ECT2L: variants seen among roughly 807,000 people sequenced by gnomAD.
ECT2L encodes epithelial cell transforming 2 like, also known as epithelial cell-transforming sequence 2 oncogene-like.
ECT2L carries 126 observed loss-of-function variants against 122.8 expected under a neutral mutation model. That is an observed-to-expected ratio of 1.03 (90% CI 0.89 to 1.19). ECT2L has a LOEUF of 1.19. Among genes scored for constraint, ECT2L ranks in the 50% most tolerant of loss-of-function variants. The probability of loss-of-function intolerance (pLI) is 0.00; values close to 1 mark genes in which losing one functional copy is unlikely to be tolerated. For synonymous variants in ECT2L, 385 were observed against 381.8 expected (o/e 1.01, Z -0.10); for missense variants, 1,012 against 1,064.1 (o/e 0.95, Z 0.68).
intron 4 of ECT2L, among the ~76,000 whole-genome samples, chr6:138,818,475 T>A (rs1178739660): frequency 6.6e-6 from 1 of 152,152 alleles, no homozygotes; most frequent in African/African-American, 2.4e-5. Context: ...TAGGTTAATT[T>A]TAAATATAGA....
At chr6:138,876,136 A>G (rs1778442638) in intron 13 of ECT2L, among the ~76,000 whole-genome samples, 1 of 152,070 alleles carries the variant, frequency 6.6e-6, no homozygotes, top group African/African-American at 2.4e-5. Context: ...AAAAAAAAAA[A>G]AAGAAGTCTG....
At chr6:138,871,550 A>G (rs193248588) in intron 13 of ECT2L, among the ~76,000 whole-genome samples, 1 of 152,268 alleles carries the variant, frequency 6.6e-6, no homozygotes, top group African/African-American at 2.4e-5. Context: ...TCACGTCTGT[A>G]ATCCCAGCCC....
intron 4 of ECT2L, among the ~76,000 whole-genome samples, chr6:138,817,016 A>T (rs1052341529): frequency 1.3e-5 from 2 of 152,190 alleles, no homozygotes; most frequent in Non-Finnish European, 2.9e-5. Flanking sequence ...AAATTTGCCT[A>T]TTCTGGACTT....
intron 19 of ECT2L, among the ~76,000 whole-genome samples, chr6:138,888,320 T>TCTTTC (rs35900164): frequency 3.2e-5 from 4 of 124,890 alleles, no homozygotes; most frequent in South Asian, 4.8e-4. Flanking sequence ...TTCTTTTCTT[T>TCTTTC]TTTTTTTTTT....
chr6:138,854,679 A>C (rs1237343776), intron 10 of ECT2L, among the ~76,000 whole-genome samples: 1 of 152,236 alleles, frequency 6.6e-6, no homozygotes, highest in Non-Finnish European at 1.5e-5. Flanking sequence ...TCAAGATGAC[A>C]TATTTAAATA....
Position 138,885,753 on chromosome 6 carries a change from C to T in ECT2L, c.2182C>T (p.Pro728Ser). ...NLLYAVRLHT[P>S]AEHVDRGDLT... ...TCTCTACGCTGTCAGGCTTCATACC[C>T]CTGCAGAGCATGTTGACCGTGGGGA... Residue 728 changes from proline (P) to serine (S), a missense_variant, in exon 18 of 22, where the codon CCT (proline) becomes TCT (serine). Physicochemically the swap from Pro to Ser is moderately conservative, Grantham distance 74. Coordinates refer to ENST00000541398, the MANE Select transcript of ECT2L (RefSeq NM_001077706.3). The T allele has an allele frequency of 1.9e-6, 3 of 1,614,150 alleles. No homozygotes were observed. Among genetic ancestry groups the T allele is most frequent in the Non-Finnish European group, 2.5e-6 (3 of 1,180,020 alleles).
At chr6:138,806,291 A>T (rs1042810395) in intron 1 of ECT2L, among the ~76,000 whole-genome samples, 4 of 152,156 alleles carry the variant, frequency 2.6e-5, no homozygotes, top group African/African-American at 9.7e-5. Flanking sequence ...CAAGCCTCTT[A>T]ACAATTTTGT....
At chr6:138,852,813 G>A (rs59353858) in intron 9 of ECT2L, among the ~76,000 whole-genome samples, 2,779 of 152,014 alleles carry the variant, frequency 0.018, 71 homozygotes, top group African/African-American at 0.063. Flanking sequence ...TCTAAATGGT[G>A]CAGAGATATT....
chr6:138,892,188 CT>C (rs980995103), intron 20 of ECT2L, among the ~76,000 whole-genome samples: 3 of 152,162 alleles, frequency 2.0e-5, no homozygotes, highest in African/African-American at 7.2e-5. Flanking sequence ...TGGTAAGCTT[CT>C]GTTGACATAT....
intron 4 of ECT2L, among the ~76,000 whole-genome samples, chr6:138,835,336 C>T (rs1410016795): frequency 1.3e-5 from 2 of 152,150 alleles, no homozygotes; most frequent in African/African-American, 2.4e-5. Context: ...ATCGCTTGAG[C>T]TTAAGAGTTC....
rs780548516 is a variant in ECT2L, at chr6:138,885,790, C to T, written c.2219C>T (p.Ala740Val). Residue 740 changes from alanine to valine, a missense_variant, in exon 18 of 22, where the codon GCA (alanine) becomes GTA (valine). Physicochemically the swap from Ala to Val is moderately conservative, Grantham distance 64. Coordinates refer to ENST00000541398, the MANE Select transcript of ECT2L (RefSeq NM_001077706.3). ...EHVDRGDLTTAIDQIKKYKGY... is the reference protein window; with the variant it reads ...EHVDRGDLTTVIDQIKKYKGY... ...GTTGACCGTGGGGACTTGACCACTG[C>T]AATTGACCAAATCAAAAAATATAAA... 2.5e-5 allele frequency: 40 copies of T among 1,613,994 alleles called. No individual in the cohort carries two copies. The highest frequency in any genetic ancestry group is 3.3e-5 in the Non-Finnish European group (39 of 1,180,002).
intron 20 of ECT2L, among the ~76,000 whole-genome samples, chr6:138,895,150 A>G (rs573732098): frequency 6.6e-6 from 1 of 152,240 alleles, no homozygotes; most frequent in African/African-American, 2.4e-5. Context: ...ATCACACAAT[A>G]CTTAGCCTGC....
chr6:138,802,383 C>A (rs1425505420), intron 1 of ECT2L, among the ~76,000 whole-genome samples: 3 of 152,212 alleles, frequency 2.0e-5, no homozygotes, highest in African/African-American at 7.2e-5. Flanking sequence ...TATTTTAAGC[C>A]ACTGAGTTTT....
chr6:138,806,635 C>T lies in ECT2L; in HGVS notation c.-243-6203C>T, dbSNP rs547860640. On this transcript the variant is annotated intron_variant, in intron 1 of 21. Coordinates refer to ENST00000541398, the MANE Select transcript of ECT2L (RefSeq NM_001077706.3). ...TCAAGCGATTCTCCTGTCTCAGTCTCTCGAGTAGCTAGGATTACAGGTGCC... is the reference window on the plus strand; with the variant it reads ...TCAAGCGATTCTCCTGTCTCAGTCTTTCGAGTAGCTAGGATTACAGGTGCC... Among the ~76,000 whole-genome samples the T allele has an allele frequency of 4.0e-5, 6 of 150,790 alleles. No homozygotes were observed. In the East Asian group the frequency reaches 1.2e-3, roughly 30 times the overall value.
rs1554277004 is a variant in ECT2L at position 138,873,894 on chromosome 6, G to GTGTGTGTA, written c.1579-2571_1579-2570insATGTGTGT. Among the ~76,000 whole-genome samples, 659 of 145,876 alleles carry GTGTGTGTA rather than the reference G, an allele frequency of 4.5e-3. 4 individuals carry two copies. The highest frequency in any genetic ancestry group is 7.4e-3 in the Admixed American group (110 of 14,810). ...GGACTGTGTGTGTGTGTGTGTGTGTGTGTGTGTGTGTGTGTGTGTGTCCAT... is the reference window on the plus strand; with the variant it reads ...GGACTGTGTGTGTGTGTGTGTGTGTGTGTGTGTATGTGTGTGTGTGTGTGTGTGTCCAT... On this transcript the variant is annotated intron_variant, in intron 13 of 21. Transcript: ENST00000541398.
At chr6:138,846,405 A>T (rs553611576) in intron 7 of ECT2L, 134 bp from the exon 8 acceptor site, 2 of 714,066 alleles carry the variant, frequency 2.8e-6, no homozygotes, top group African/African-American at 3.6e-5. Context: ...CTCACAAAAC[A>T]CAGGGTGAGG....
At position 138,885,834 on chromosome 6, in the gene ECT2L, G is replaced by C. The variant is rs528623174; in HGVS notation, c.2259+4G>C. 16 of 1,611,078 alleles carry C rather than the reference G, an allele frequency of 9.9e-6. No homozygotes were observed. The highest frequency in any genetic ancestry group is 7.7e-5 in the South Asian group (7 of 90,678). On this transcript the variant is annotated splice_donor_region_variant and intron_variant, in intron 18 of 21. Coordinates refer to ENST00000541398, the MANE Select transcript of ECT2L (RefSeq NM_001077706.3). ...ATATAAAGGTTATATAGATCAGGTT[G>C]GTTGCTGATAAGAATCTGTGTCCTT...
At chr6:138,878,306 TACACACAC>T (rs34393243) in intron 14 of ECT2L, among the ~76,000 whole-genome samples, 1 of 150,218 alleles carries the variant, frequency 6.7e-6, no homozygotes, top group Non-Finnish European at 1.5e-5. Context: ...CATATATATA[TACACACAC>T]ACACACACAC....
At chr6:138,799,365 TG>T (rs1196002490) in intron 1 of ECT2L, among the ~76,000 whole-genome samples, 1 of 151,912 alleles carries the variant, frequency 6.6e-6, no homozygotes, top group Admixed American at 6.6e-5. Context: ...GCCATTCTCC[TG>T]CCTCAGCCTC....
Sources: allele counts gnomAD v4.1 joint callset (sites outside exome capture counted in the v4.1 genomes callset), GRCh38; gene constraint gnomAD v4.1.1; transcripts MANE v1.5; gene names NCBI Gene and HGNC (gene_info 2026-07-23, HGNC 2026-07-21).